The following FOXP1 variants were observed in gnomAD, a reference collection of about 807,000 sequenced individuals.
The protein encoded by FOXP1 is forkhead box protein P1.
FOXP1 carries 15 observed loss-of-function variants against 98.2 expected under a neutral mutation model. That is an observed-to-expected ratio of 0.15 (90% CI 0.10 to 0.24). The LOEUF (loss-of-function observed/expected upper bound fraction) is 0.24. FOXP1 is among the 10% of genes least tolerant of loss of function. The probability of loss-of-function intolerance (pLI) is 1.00; values close to 1 mark genes in which losing one functional copy is unlikely to be tolerated. For missense variants in FOXP1, 633 were observed against 848.5 expected, an observed-to-expected ratio of 0.75 and a Z score of 3.15; for synonymous variants, 371 against 314.5, an observed-to-expected ratio of 1.18 and a Z score of -1.90.
chr3:71,515,007 T>G (rs2042460870), intron 2 of FOXP1, among the ~76,000 whole-genome samples: 2 of 152,182 alleles, frequency 1.3e-5, no homozygotes, highest in African/African-American at 4.8e-5. Context: ...ATACTAAAAC[T>G]ACCATTTTTT....
chr3:71,450,642 G>A (rs886898821), intron 3 of FOXP1, among the ~76,000 whole-genome samples: 2 of 152,046 alleles, frequency 1.3e-5, no homozygotes, highest in Non-Finnish European at 2.9e-5. Flanking sequence ...TGTTAATTTC[G>A]AACAAAACTG....
chr3:70,976,322 G>A (rs1000599220), intron 17 of FOXP1, among the ~76,000 whole-genome samples: 1 of 152,084 alleles, frequency 6.6e-6, no homozygotes, highest in Non-Finnish European at 1.5e-5. Context: ...CCAAAGTGCT[G>A]GGATTATAGG....
chr3:71,309,449 T>C (rs140528483), intron 4 of FOXP1, among the ~76,000 whole-genome samples: 1 of 151,926 alleles, frequency 6.6e-6, no homozygotes, highest in Non-Finnish European at 1.5e-5. Flanking sequence ...CAAAAGTAAA[T>C]TCATAGCAGA....
At chr3:71,511,161 T>C (rs1318606574) in intron 2 of FOXP1, among the ~76,000 whole-genome samples, 1 of 152,206 alleles carries the variant, frequency 6.6e-6, no homozygotes, top group Non-Finnish European at 1.5e-5. Flanking sequence ...TGCAATGAAG[T>C]CTTGAAATGC....
intron 5 of FOXP1, among the ~76,000 whole-genome samples, chr3:71,271,636 C>G (rs984741172): frequency 6.6e-6 from 1 of 152,174 alleles, no homozygotes; most frequent in South Asian, 2.1e-4. Flanking sequence ...CATCTACTGA[C>G]GGATCACTGG....
intron 20 of FOXP1, among the ~76,000 whole-genome samples, chr3:70,963,834 A>C (rs985302844): frequency 3.9e-5 from 6 of 152,220 alleles, no homozygotes; most frequent in Non-Finnish European, 7.3e-5. Flanking sequence ...AGGACGAACG[A>C]AACGTAGTGG....
At chr3:71,498,857 ATACTGATGC>A (rs1413662029) in intron 2 of FOXP1, among the ~76,000 whole-genome samples, 13 of 152,152 alleles carry the variant, frequency 8.5e-5, no homozygotes. Flanking sequence ...TTCCCAGGTG[ATACTGATGC>A]TACTGATCCG....
intron 6 of FOXP1, among the ~76,000 whole-genome samples, chr3:71,185,853 T>C (rs1025331296): frequency 6.6e-6 from 1 of 152,210 alleles, no homozygotes; most frequent in South Asian, 2.1e-4. Flanking sequence ...AATCAGCAGA[T>C]GTGCACATAC....
chr3:71,452,537 G>C (rs1253132852), intron 3 of FOXP1, among the ~76,000 whole-genome samples: 1 of 152,126 alleles, frequency 6.6e-6, no homozygotes, highest in African/African-American at 2.4e-5. Context: ...GATAAATGAT[G>C]AGATTCAGGC....
chr3:71,206,059 A>G (rs1303272984), intron 5 of FOXP1, among the ~76,000 whole-genome samples: 1 of 152,242 alleles, frequency 6.6e-6, no homozygotes, highest in Non-Finnish European at 1.5e-5. Context: ...CATTTGTTTA[A>G]TAAGAATAAT....
intron 6 of FOXP1, among the ~76,000 whole-genome samples, chr3:71,182,291 T>C (rs2062359099): frequency 6.6e-6 from 1 of 152,118 alleles, no homozygotes; most frequent in Non-Finnish European, 1.5e-5. Flanking sequence ...CCTGCACAAA[T>C]TGTATTCCCT....
intron 5 of FOXP1, among the ~76,000 whole-genome samples, chr3:71,209,257 C>G (rs895975830): frequency 2.0e-5 from 3 of 152,194 alleles, no homozygotes; most frequent in Non-Finnish European, 4.4e-5. Flanking sequence ...GATTTGAAAA[C>G]AGCTTTAAAA....
At chr3:71,470,754 G>T (rs1412391809) in intron 3 of FOXP1, among the ~76,000 whole-genome samples, 5 of 152,058 alleles carry the variant, frequency 3.3e-5, no homozygotes, top group Non-Finnish European at 7.4e-5. Flanking sequence ...AAAAAGAAAA[G>T]AAAAGAAAAG....
chr3:71,326,019 C>G (rs1370515401), intron 4 of FOXP1, among the ~76,000 whole-genome samples: 1 of 152,016 alleles, frequency 6.6e-6, no homozygotes, highest in Non-Finnish European at 1.5e-5. Context: ...GTATTCAAAA[C>G]AGAAAAATAC....
chr3:71,517,334 T>G (rs560455136), intron 2 of FOXP1, among the ~76,000 whole-genome samples: 1 of 152,198 alleles, frequency 6.6e-6, no homozygotes, highest in Non-Finnish European at 1.5e-5. Context: ...TGTCTAGTCA[T>G]GTGTGACATG....
intron 19 of FOXP1, among the ~76,000 whole-genome samples, chr3:70,967,720 T>TTTTTTTTTTTTTG (rs2035246261): frequency 7.0e-6 from 1 of 143,500 alleles, no homozygotes; most frequent in Non-Finnish European, 1.5e-5. Context: ...GTTTTTTTTT[T>TTTTTTTTTTTTTG]TTTTTTTTGC....
chr3:70,971,819 A>AAAGCATTATTCAAGGCACTGGTGTT (rs970094931), intron 18 of FOXP1: 4 of 417,786 alleles, frequency 9.6e-6, no homozygotes, highest in African/African-American at 8.2e-5. Context: ...AGACGTCAAA[A>AAAGCATTATTCAAGGCACTGGTGTT]AAGCATTATT....
intron 4 of FOXP1, among the ~76,000 whole-genome samples, chr3:71,320,271 A>G (rs977264337): frequency 6.6e-6 from 1 of 152,072 alleles, no homozygotes; most frequent in Non-Finnish European, 1.5e-5. Context: ...AAGGCCCGGA[A>G]GGCCAAGGGG....
rs78045888 is a variant in FOXP1 at position 71,328,654 on chromosome 3, G to A, written c.-72-28774C>T. Among the ~76,000 whole-genome samples, 1,116 of 152,262 alleles carry A rather than the reference G, an allele frequency of 7.3e-3. 28 individuals are homozygous for A. Among genetic ancestry groups the A allele is most frequent in the Non-Finnish European group, 4.7e-3 (320 of 68,018 alleles). On this transcript the variant is annotated intron_variant, in intron 4 of 20. Coordinates refer to ENST00000649528, the MANE Select transcript of FOXP1 (RefSeq NM_001349338.3). The stretch of plus-strand genomic sequence containing the variant: ...GCATAACCCTTTCTACAGCTGACCA[G>A]GGTAGCTACGGTATTGGCTAAAAGA...
Sources: allele counts gnomAD v4.1 joint callset (sites outside exome capture counted in the v4.1 genomes callset), GRCh38; gene constraint gnomAD v4.1.1; transcripts MANE v1.5; gene names NCBI Gene and HGNC (gene_info 2026-07-23, HGNC 2026-07-21).